The following ITSN2 variants were observed in gnomAD, a reference collection of about 807,000 sequenced individuals.
ITSN2 encodes intersectin 2.
A neutral mutation model predicts 243.7 loss-of-function variants in ITSN2; 156 were observed. That is an observed-to-expected ratio of 0.64 (90% confidence interval 0.56 to 0.73). The LOEUF is 0.73. Among genes scored for constraint, ITSN2 ranks in the 30% least tolerant of loss-of-function variants. The pLI is 0.00. For missense variants in ITSN2, 1,801 were observed against 1,996.1 expected, an observed-to-expected ratio of 0.90 and a Z score of 1.86; for synonymous variants, 703 against 699.9, an observed-to-expected ratio of 1.00 and a Z score of -0.07.
At position 24,293,786 on chromosome 2, in the gene ITSN2, G is replaced by T; in HGVS notation, c.1636-11C>A. 1.3e-6 allele frequency: 1 copy of T among 769,144 alleles called. No homozygotes were observed. The highest frequency in any genetic ancestry group is 2.1e-6 in the Non-Finnish European group (1 of 470,440). The allele number at this position is 769,144 out of a possible 1,614,324, so 47.6% of individuals were successfully genotyped here. On this transcript the variant is annotated splice_polypyrimidine_tract_variant and intron_variant, in intron 14 of 39. Coordinates refer to ENST00000355123, the MANE Select transcript of ITSN2 (RefSeq NM_006277.3). Reference sequence around the variant, plus strand: ...CTTATTCTGATATTCCTTATAAAAAGAAAAAATAGTACCTGATTACAATGT... The same window carrying T: ...CTTATTCTGATATTCCTTATAAAAATAAAAAATAGTACCTGATTACAATGT...
rs536987512 is a variant in ITSN2 at position 24,257,965 on chromosome 2, C to G, written c.2811G>C (p.Gly937=). 6.8e-6 allele frequency: 11 copies of G among 1,614,086 alleles called. No homozygotes were observed. The highest frequency in any genetic ancestry group is 1.6e-4 in the Middle Eastern group (1 of 6,062). Residue 937 remains glycine, a synonymous_variant, in exon 23 of 40, where the codon GGG becomes GGC. Coordinates refer to ENST00000355123, the MANE Select transcript of ITSN2 (RefSeq NM_006277.3). ...ACCATCCTCTTCCTCCATGCACCTC[C>G]CCAAACCACCAATTTTCTTGCTGCT... The part of the protein sequence containing the change: ...VLEQQENWWF[G]EVHGGRGWFP...
intron 1 of ITSN2, chr2:24,334,681 GA>G: frequency 3.8e-6 from 6 of 1,578,856 alleles, no homozygotes; most frequent in Non-Finnish European, 3.4e-6. Context: ...TGATTTTCCA[GA>G]AAAAGGCTAA....
intron 22 of ITSN2, 80 bp from the exon 23 acceptor site, chr2:24,258,173 C>T (rs1675312111): frequency 3.9e-6 from 4 of 1,023,702 alleles, no homozygotes; most frequent in African/African-American, 3.2e-5. Context: ...AACATACTTA[C>T]TGTTCAAACA....
rs768898068 is a variant in ITSN2 at position 24,217,977 on chromosome 2, T to G, written c.3736A>C (p.Thr1246Pro). Residue 1246 changes from threonine (T) to proline (P), a missense_variant, in exon 31 of 40, where the codon ACT (threonine) becomes CCT (proline). Around this residue, in one of 5 missense-constraint regions of ITSN2, gnomAD observed 928 missense variants for 1,065.4 expected, o/e 0.87. Transcript: ENST00000355123. ...AAAATCAGGGCCATCTCCCCTTCAGTGAGAAAGCCTGACTCTGCCATGCGT... is the reference window on the plus strand; with the variant it reads ...AAAATCAGGGCCATCTCCCCTTCAGGGAGAAAGCCTGACTCTGCCATGCGT... ...QKRMAESGFL[T>P]EGEMALIFVN... 1.8e-5 allele frequency: 29 copies of G among 1,613,950 alleles called. No individual in the cohort carries two copies. The Admixed American group carries it at 2.7e-4, about 15-fold the overall frequency.
chr2:24,312,643 T>C (rs1226161454), intron 4 of ITSN2, among the ~76,000 whole-genome samples: 1 of 152,098 alleles, frequency 6.6e-6, no homozygotes, highest in Non-Finnish European at 1.5e-5. Context: ...CCAGTTTAGG[T>C]AGAAAAAAAT....
At chr2:24,255,310 T>C (rs1674869801) in intron 23 of ITSN2, among the ~76,000 whole-genome samples, 1 of 152,232 alleles carries the variant, frequency 6.6e-6, no homozygotes, top group African/African-American at 2.4e-5. Context: ...TATATGGTTG[T>C]TGTTACTGTT....
In ITSN2 at chr2:24,229,258, T is replaced by G. The variant is rs555977133; in HGVS notation, c.3578-8192A>C. Among the ~76,000 whole-genome samples the G allele has an allele frequency of 2.6e-5, 4 of 152,278 alleles. 1 individual carries two copies. The South Asian group carries it at 8.3e-4, about 32-fold the overall frequency. ...GAACACTATTAACAAGGTTAACATATGAACACACATACAAGAGACTATACA... is the reference window on the plus strand; with the variant it reads ...GAACACTATTAACAAGGTTAACATAGGAACACACATACAAGAGACTATACA... On this transcript the variant is annotated intron_variant, in intron 29 of 39. Coordinates refer to ENST00000355123, the MANE Select transcript of ITSN2 (RefSeq NM_006277.3).
At position 24,329,255 on chromosome 2, in the gene ITSN2, T is replaced by G. The variant is rs1057462268; in HGVS notation, c.-33-1140A>C. ...ATGAATCTTTTTGTGGGTCTGTTTT[T>G]TTTTTTGTTTGTTTTGTTTTCTTGA... On this transcript the variant is annotated intron_variant, in intron 1 of 39. Coordinates refer to ENST00000355123, the MANE Select transcript of ITSN2 (RefSeq NM_006277.3). Among the ~76,000 whole-genome samples, 18 of 6,416 alleles carry G rather than the reference T, an allele frequency of 2.8e-3. No homozygotes were observed. The East Asian group carries it at 0.051, about 18-fold the overall frequency. The allele number at this position is 6,416 out of a possible 152,430, so 4.2% of individuals were successfully genotyped here. A position where few individuals can be genotyped will look rare whatever the true frequency, so the allele number is the denominator to read the frequency against.
chr2:24,300,563 C>A (rs1681588220), intron 11 of ITSN2, among the ~76,000 whole-genome samples: 1 of 152,030 alleles, frequency 6.6e-6, no homozygotes, highest in Admixed American at 6.6e-5. Context: ...ACTAAAAATA[C>A]CAAAAATTAG....
At chr2:24,330,551 G>A in intron 1 of ITSN2, 1 of 811,526 alleles carries the variant, frequency 1.2e-6, no homozygotes, top group South Asian at 1.3e-5. Flanking sequence ...AGAAGGGAGA[G>A]AAGGTACCCA....
At chr2:24,332,893 T>C (rs924064599) in intron 1 of ITSN2, among the ~76,000 whole-genome samples, 6 of 152,222 alleles carry the variant, frequency 3.9e-5, no homozygotes, top group Non-Finnish European at 8.8e-5. Flanking sequence ...GTAGATGTAC[T>C]GTGTCATGCT....
intron 29 of ITSN2, among the ~76,000 whole-genome samples, chr2:24,243,307 G>A (rs1672957417): frequency 6.6e-6 from 1 of 152,198 alleles, no homozygotes; most frequent in Non-Finnish European, 1.5e-5. Context: ...AGTCAGTACA[G>A]AGTAGACACT....
chr2:24,216,357 AAGG>A (rs1669952944), intron 31 of ITSN2, 125 bp from the exon 32 acceptor site: 2 of 746,744 alleles, frequency 2.7e-6, no homozygotes, highest in Non-Finnish European at 4.1e-6. Context: ...TGGCACTGGG[AAGG>A]AGAACTCAAG....
chr2:24,211,012 G>A lies in ITSN2; in HGVS notation c.4090-65C>T, dbSNP rs573440354. On this transcript the variant is annotated intron_variant, in intron 33 of 39. Transcript: ENST00000355123. The surrounding 1 kb of genome is among the most constrained non-coding windows in gnomAD (Gnocchi z 4.1). ...CTCTCACCTGCCCACCTGGACCTTC[G>A]CAGGACCGCTCCTCCAACCCCATGT... 9 of 1,497,050 alleles carry A rather than the reference G, an allele frequency of 6.0e-6. No homozygotes were observed. Among genetic ancestry groups the A allele is most frequent in the East Asian group, 2.3e-5 (1 of 43,968 alleles). The allele number at this position is 1,497,050 out of a possible 1,614,324, so 92.7% of individuals were successfully genotyped here.
At position 24,259,566 on chromosome 2, in the gene ITSN2, C is replaced by T. The variant is rs75147422; in HGVS notation, c.2683-1473G>A. On this transcript the variant is annotated intron_variant, in intron 22 of 39. Coordinates refer to ENST00000355123, the MANE Select transcript of ITSN2 (RefSeq NM_006277.3). ...CCAAATAAACCTCAACCTCTCTCTC[C>T]AACTTCGCTTAACCCTTTCTCCATG... Among the ~76,000 whole-genome samples the T allele has an allele frequency of 7.2e-3, 1,103 of 152,304 alleles. 8 individuals carry two copies. The highest frequency in any genetic ancestry group is 0.026 in the African/African-American group (1,062 of 41,550).
intron 20 of ITSN2, among the ~76,000 whole-genome samples, chr2:24,268,473 A>G (rs1307793809): frequency 3.9e-5 from 6 of 152,014 alleles, no homozygotes; most frequent in Non-Finnish European, 5.9e-5. Context: ...CCTCATCTCC[A>G]TCTATTAGTC....
At chr2:24,231,646 T>C (rs1157197968) in intron 29 of ITSN2, among the ~76,000 whole-genome samples, 1 of 152,064 alleles carries the variant, frequency 6.6e-6, no homozygotes, top group Non-Finnish European at 1.5e-5. Context: ...CAAGTTACAG[T>C]GCAAGCAAGA....
At chr2:24,346,233 T>C (rs1283483119) in intron 1 of ITSN2, among the ~76,000 whole-genome samples, 1 of 152,118 alleles carries the variant, frequency 6.6e-6, no homozygotes, top group Non-Finnish European at 1.5e-5. Context: ...AAGGTCAACA[T>C]CAACAGTCAT....
chr2:24,232,629 G>A (rs1469820157), intron 29 of ITSN2, among the ~76,000 whole-genome samples: 2 of 152,198 alleles, frequency 1.3e-5, no homozygotes, highest in Non-Finnish European at 2.9e-5. Context: ...ATACCAATAT[G>A]TGTATGATGA....
Sources: gnomAD v4.1 joint callset for allele counts (sites outside exome capture counted in the v4.1 genomes callset) on GRCh38, gnomAD v4.1.1 for gene constraint, gnomAD v4.1.1 regional missense constraint, Gnocchi (gnomAD v3.1) non-coding constraint, MANE v1.5 for transcripts, NCBI Gene and HGNC (gene_info 2026-07-23, HGNC 2026-07-21) for gene names.